Variants in TIAM1 observed in about 807,000 individuals in gnomAD.
TIAM1 encodes rho guanine nucleotide exchange factor TIAM1.
In TIAM1, 65 loss-of-function variants were observed where a neutral mutation model predicts 163.5. That is an observed-to-expected ratio of 0.40 (90% CI 0.33 to 0.49). The LOEUF (loss-of-function observed/expected upper bound fraction) is 0.49. TIAM1 is among the 20% of genes least tolerant of loss of function. The pLI, the probability that TIAM1 is intolerant of heterozygous loss-of-function variation, is 0.77. For synonymous variants in TIAM1, 833 were observed against 810.1 expected (o/e 1.03, Z -0.48); for missense variants, 1,789 against 2,044.7 (o/e 0.87, Z 2.41).
chr21:31,175,662 G>C (rs1193461147), intron 15 of TIAM1, among the ~76,000 whole-genome samples: 1 of 152,058 alleles, frequency 6.6e-6, no homozygotes, highest in Admixed American at 6.5e-5. Context: ...GCAATGGTAC[G>C]ATCTTGGCTC....
intron 8 of TIAM1, among the ~76,000 whole-genome samples, chr21:31,220,893 T>C (rs552210817): frequency 2.0e-5 from 3 of 152,294 alleles, no homozygotes; most frequent in African/African-American, 7.2e-5. Flanking sequence ...ATAACCTTCT[T>C]TCAAAGAGTA....
intron 2 of TIAM1, among the ~76,000 whole-genome samples, chr21:31,449,885 A>G (rs1157852511): frequency 2.0e-5 from 3 of 152,206 alleles, no homozygotes; most frequent in East Asian, 1.9e-4. Flanking sequence ...AAATGTTCAC[A>G]CTGAGGCATA....
rs375775095 is a variant in TIAM1, at chr21:31,430,305, C to G, written c.-369+33678G>C. 1.0e-4 allele frequency among the ~76,000 whole-genome samples: 15 copies of G among 149,388 alleles called. No individual in the cohort carries two copies. The East Asian group carries it at 2.5e-3, about 25-fold the overall frequency. ...ATATATATTGCACAGTGGGGAATCC[C>G]CATGATAAATCCCTCTGCCATGCGC... On this transcript the variant is annotated intron_variant, in intron 2 of 28. Transcript: ENST00000286827.
In TIAM1 at chr21:31,141,367, C is replaced by T. The variant is rs529598323; in HGVS notation, c.3613G>A (p.Ala1205Thr). Residue 1205 changes from alanine (A) to threonine (T), a missense_variant, in exon 21 of 28, where the codon GCC becomes ACC. This residue lies in a region of TIAM1 where 60 missense variants were observed against 132.6 expected (regional missense o/e 0.45). Transcript: ENST00000541036. The surrounding 1 kb of genome is among the most constrained non-coding windows in gnomAD (Gnocchi z 4.7). ...KYPLLLRELF[A>T]LTDAESEEHY... is the part of the protein sequence containing the mutation. ...TCCTCGCTCTCCGCATCGGTCAGGG[C>T]GAACAGCTCCCTGAGCAGAAGTGGG... 112 of 1,614,236 alleles carry T rather than the reference C, an allele frequency of 6.9e-5. 1 individual carries two copies. In the East Asian group the frequency reaches 2.3e-3, roughly 32 times the overall value.
chr21:31,388,074 C>G (rs2147189327), intron 2 of TIAM1, among the ~76,000 whole-genome samples: 1 of 151,860 alleles, frequency 6.6e-6, no homozygotes, highest in East Asian at 1.9e-4. Flanking sequence ...TTATAGGTTT[C>G]CTGAGGCCTC....
Position 31,266,378 on chromosome 21 carries a change from T to C in TIAM1, c.595A>G (p.Ile199Val). ...TCCTTCTCTTCGGCGGAACCCAAGA[T>C]TTCTTCGTTGCTTGTTAAATGTTCT... The part of the protein sequence containing the change: ...SQEHLTSNEE[I>V]LGSAEEKDCE... Residue 199 changes from isoleucine (I) to valine (V), a missense_variant, in exon 4 of 28, where the codon ATC becomes GTC. Around this residue, in one of 5 missense-constraint regions of TIAM1, gnomAD observed 555 missense variants for 564.9 expected, o/e 0.98. Transcript: ENST00000541036. 1 of 1,614,192 alleles carries C rather than the reference T, an allele frequency of 6.2e-7. No individual in the cohort carries two copies. The highest frequency in any genetic ancestry group is 8.5e-7 in the Non-Finnish European group (1 of 1,180,036).
At chr21:31,375,156 T>C (rs1235052661) in intron 2 of TIAM1, among the ~76,000 whole-genome samples, 1 of 152,232 alleles carries the variant, frequency 6.6e-6, no homozygotes, top group African/African-American at 2.4e-5. Flanking sequence ...CTAAATAATA[T>C]TCTAAGAAAC....
At chr21:31,363,984 T>A (rs924999280) in intron 2 of TIAM1, among the ~76,000 whole-genome samples, 5 of 152,120 alleles carry the variant, frequency 3.3e-5, no homozygotes, top group Non-Finnish European at 5.9e-5. Flanking sequence ...GAAACACCCA[T>A]GAGGAAAAGT....
intron 2 of TIAM1, among the ~76,000 whole-genome samples, chr21:31,377,324 T>C (rs543966308): frequency 6.6e-5 from 10 of 152,238 alleles, no homozygotes; most frequent in Admixed American, 4.6e-4. Context: ...TGTCTTCCCT[T>C]ACTGCTTCTT....
At position 31,145,039 on chromosome 21, in the gene TIAM1, G is replaced by A. The variant is rs547499058; in HGVS notation, c.3475+1856C>T. Among the ~76,000 whole-genome samples, 206 of 152,130 alleles carry A rather than the reference G, an allele frequency of 1.4e-3. 1 individual carries two copies. The highest frequency in any genetic ancestry group is 4.8e-3 in the African/African-American group (201 of 41,502). On this transcript the variant is annotated intron_variant, in intron 20 of 27. Coordinates refer to ENST00000541036, the MANE Select transcript of TIAM1 (RefSeq NM_001353694.2). ...GTATATAATTTCACTGTGGAGCAAA[G>A]CACTCTAAAATTGTTACTTTAACAA...
At chr21:31,496,288 G>A (rs2046638429) in intron 1 of TIAM1, among the ~76,000 whole-genome samples, 2 of 151,924 alleles carry the variant, frequency 1.3e-5, no homozygotes, top group Non-Finnish European at 2.9e-5. Context: ...TCAGGTGGTC[G>A]AGACCAACCT....
chr21:31,535,788 G>A (rs1341308627), intron 1 of TIAM1, among the ~76,000 whole-genome samples: 1 of 152,090 alleles, frequency 6.6e-6, no homozygotes, highest in Non-Finnish European at 1.5e-5. Flanking sequence ...TTGACATCCA[G>A]CACTGGCACA....
intron 22 of TIAM1, among the ~76,000 whole-genome samples, chr21:31,136,641 A>C (rs2082633009): frequency 6.6e-6 from 1 of 152,218 alleles, no homozygotes; most frequent in South Asian, 2.1e-4. Flanking sequence ...ATTTCAGAAA[A>C]GGATGGCAAA....
intron 2 of TIAM1, among the ~76,000 whole-genome samples, chr21:31,306,464 G>C (rs1175389629): frequency 6.6e-6 from 1 of 152,126 alleles, no homozygotes; most frequent in African/African-American, 2.4e-5. Context: ...TTCACAAAGA[G>C]GAAAATAATA....
chr21:31,336,536 TCC>T (rs2075847383), intron 2 of TIAM1, among the ~76,000 whole-genome samples: 1 of 151,016 alleles, frequency 6.6e-6, no homozygotes. Context: ...CTCATTACTT[TCC>T]TTTGCTCACA....
intron 2 of TIAM1, among the ~76,000 whole-genome samples, chr21:31,296,773 C>T (rs1240455016): frequency 6.6e-6 from 1 of 152,132 alleles, no homozygotes; most frequent in Non-Finnish European, 1.5e-5. Context: ...AAGCAATTCT[C>T]CTGCCTCAGC....
intron 20 of TIAM1, among the ~76,000 whole-genome samples, chr21:31,142,372 G>C (rs909690290): frequency 4.7e-5 from 7 of 149,040 alleles, no homozygotes; most frequent in African/African-American, 1.7e-4. Flanking sequence ...AATCCTAGCA[G>C]TTTGGGAGGC....
At chr21:31,130,365 G>A (rs2082367954) in intron 24 of TIAM1, 50 bp from the exon 25 acceptor site, 1 of 1,455,898 alleles carries the variant, frequency 6.9e-7, no homozygotes, top group South Asian at 1.1e-5. Context: ...ACCTGCCCCG[G>A]ACCAGTTCCC....
intron 11 of TIAM1, among the ~76,000 whole-genome samples, chr21:31,209,651 G>A (rs958104345): frequency 7.2e-5 from 11 of 152,226 alleles, no homozygotes; most frequent in Non-Finnish European, 7.3e-5. Context: ...CTGTATGTGT[G>A]CGGAAAAAGG....
Sources: allele counts gnomAD v4.1 joint callset (sites outside exome capture counted in the v4.1 genomes callset), GRCh38; gene constraint gnomAD v4.1.1; regional missense constraint gnomAD v4.1.1; non-coding constraint Gnocchi (gnomAD v3.1); transcripts MANE v1.5; gene names NCBI Gene and HGNC (gene_info 2026-07-23, HGNC 2026-07-21).